Variants in CHD5 observed in about 807,000 individuals in gnomAD.
CHD5 encodes the protein ATP-dependent chromatin remodeler CHD5.
A neutral mutation model predicts 230.3 loss-of-function variants in CHD5; 69 were observed. That is an observed-to-expected ratio of 0.30 (90% CI 0.25 to 0.37). CHD5 has a LOEUF of 0.37. Among genes scored for constraint, CHD5 ranks in the 10% least tolerant of loss-of-function variants. CHD5 has a pLI of 1.00. For missense variants in CHD5, 1,827 were observed against 2,622.8 expected (o/e 0.70, Z 6.63); for synonymous variants, 1,064 against 1,065.9 (o/e 1.00, Z 0.03).
Position 6,180,109 on chromosome 1 carries a change from G to A in CHD5, c.-86C>T. 1.7e-6 allele frequency: 1 copy of A among 596,292 alleles called. No individual in the cohort carries two copies. The highest frequency in any genetic ancestry group is 2.0e-5 in the African/African-American group (1 of 49,274). 36.9% of individuals were successfully genotyped at this position (596,292 alleles called of 1,614,324 possible). A position where few individuals can be genotyped will look rare whatever the true frequency, so the allele number is the denominator to read the frequency against. ...TTAACCCGTGCGCTGCCGGACCGGC[G>A]CGCGCGGCGGGCGAGGCGGCCTCGG... On this transcript the variant is annotated 5_prime_UTR_variant, in exon 1 of 42. Coordinates refer to ENST00000262450, the MANE Select transcript of CHD5 (RefSeq NM_015557.3).
At chr1:6,127,034 C>T (rs1292190045) in intron 25 of CHD5, 2 of 453,960 alleles carry the variant, frequency 4.4e-6, no homozygotes, top group Non-Finnish European at 8.0e-6. Flanking sequence ...CTCCCCCTTG[C>T]CTGCCCTCAG....
At position 6,142,311 on chromosome 1, in the gene CHD5, G is replaced by A. The variant is rs1031363035; in HGVS notation, c.2253C>T (p.Pro751=). 6.2e-7 allele frequency: 1 copy of A among 1,609,410 alleles called. No individual in the cohort carries two copies. Among genetic ancestry groups the A allele is most frequent in the African/African-American group, 1.3e-5 (1 of 74,964 alleles). ...SLYKEGHSKG[P]YLVSAPLSTI... ...TGGAGAGGGGCGCGCTAACCAGGTA[G>A]GGCCCTTTGGAGTGGCCCTGGAGAG... The change falls in exon 15 of 42, where the codon CCC becomes CCT. Residue 751 remains proline (P), a synonymous_variant. Coordinates refer to ENST00000262450, the MANE Select transcript of CHD5 (RefSeq NM_015557.3). The surrounding 1 kb of genome is among the most constrained non-coding windows in gnomAD (Gnocchi z 5.2).
Position 6,126,653 on chromosome 1 carries a change from C to G in CHD5, c.3997G>C (p.Glu1333Gln). Residue 1333 changes from glutamate to glutamine, a missense_variant, in exon 26 of 42, where the codon GAG becomes CAG. Around this residue, in one of 14 missense-constraint regions of CHD5, gnomAD observed 137 missense variants for 272.7 expected, o/e 0.50. Transcript: ENST00000262450. The surrounding 1 kb of genome is among the most constrained non-coding windows in gnomAD (Gnocchi z 5.7). The part of the protein sequence containing the change: ...LLRHHYEQQQ[E>Q]DLARNLGKGK... ...TTGCCCAGGTTGCGGGCCAGGTCCT[C>G]CTGCTGCTGCTCATAGTGGTGCCGC... 6.2e-7 allele frequency: 1 copy of G among 1,614,058 alleles called. No homozygotes were observed. The highest frequency in any genetic ancestry group is 1.1e-5 in the South Asian group (1 of 91,084).
In CHD5 at chr1:6,130,431, T is replaced by C; in HGVS notation, c.3263-103A>G. On this transcript the variant is annotated intron_variant, in intron 21 of 41. Transcript: ENST00000262450. This position sits in a 1 kb window ranked among gnomAD's most constrained non-coding sequence, Gnocchi z 4.9. ...AGAGAGAAGGAACTGCAGCAACAGA[T>C]CCCTGGCAGAGAAGGACAAAGCCGG... 1.9e-6 allele frequency: 2 copies of C among 1,077,220 alleles called. No individual in the cohort carries two copies. The highest frequency in any genetic ancestry group is 2.7e-6 in the Non-Finnish European group (2 of 743,358). 66.7% of individuals were successfully genotyped at this position (1,077,220 alleles called of 1,614,324 possible).
In CHD5 at chr1:6,136,709, G is replaced by A; in HGVS notation, c.2574+19C>T. 1.9e-6 allele frequency: 3 copies of A among 1,610,788 alleles called. No homozygotes were observed. Among genetic ancestry groups the A allele is most frequent in the East Asian group, 2.2e-5 (1 of 44,778 alleles). ...CTCGCCCCGGGAAGCTCTGGGGTCT[G>A]GCGGCCAGCGCCACCTACCTTGGAC... On this transcript the variant is annotated intron_variant, in intron 16 of 41. Coordinates refer to ENST00000262450, the MANE Select transcript of CHD5 (RefSeq NM_015557.3).
In CHD5 at chr1:6,146,857, C is replaced by G; in HGVS notation, c.1398G>C (p.Lys466Asn). 4.0e-6 allele frequency: 6 copies of G among 1,518,192 alleles called. No homozygotes were observed. Among genetic ancestry groups the G allele is most frequent in the Non-Finnish European group, 5.3e-6 (6 of 1,130,530 alleles). The allele number at this position is 1,518,192 out of a possible 1,614,324, so 94.0% of individuals were successfully genotyped here. A position where few individuals can be genotyped will look rare whatever the true frequency, so the allele number is the denominator to read the frequency against. ...LCPRCTCPPLKGKVQRILHWR... is the reference protein window; with the variant it reads ...LCPRCTCPPLNGKVQRILHWR... ...AGTGTAGAATCCGCTGGACTTTGCC[C>G]TTCAGTGGGGGGCACTGTGGACAGA... Residue 466 changes from lysine (K) to asparagine (N), a missense_variant, in exon 10 of 42, where the codon AAG becomes AAC. This residue lies in a region of CHD5 where 657 missense variants were observed against 816.4 expected (regional missense o/e 0.80). Transcript: ENST00000262450. The surrounding 1 kb of genome is among the most constrained non-coding windows in gnomAD (Gnocchi z 5.1).
chr1:6,113,231 C>G lies in CHD5; in HGVS notation c.4913-233G>C, dbSNP rs1666321426. 6 of 517,286 alleles carry G rather than the reference C, an allele frequency of 1.2e-5. No homozygotes were observed. In the East Asian group the frequency reaches 2.1e-4, roughly 18 times the overall value. The allele number at this position is 517,286 out of a possible 1,614,324, so 32.0% of individuals were successfully genotyped here. A position where few individuals can be genotyped will look rare whatever the true frequency, so the allele number is the denominator to read the frequency against. On this transcript the variant is annotated intron_variant, in intron 33 of 41. Coordinates refer to ENST00000262450, the MANE Select transcript of CHD5 (RefSeq NM_015557.3). ...TTCAGACCAGGAGTTCAAGACCAGC[C>G]TGGCAACATAGTGAAATCTCATCTC...
At chr1:6,173,278 G>C (rs1468840342) in intron 1 of CHD5, among the ~76,000 whole-genome samples, 1 of 151,788 alleles carries the variant, frequency 6.6e-6, no homozygotes, top group Non-Finnish European at 1.5e-5. Flanking sequence ...CTAATTTTTT[G>C]TATTTTTAGT....
Position 6,143,849 on chromosome 1 carries a change from TCTCCTG to T in CHD5, c.2011_2016del (p.Gln671_Glu672del). On this transcript the variant is annotated inframe_deletion, in exon 13 of 42. Coordinates refer to ENST00000262450, the MANE Select transcript of CHD5 (RefSeq NM_015557.3). ...TCCACAATGGGCGTGTCCGGCGGCT[TCTCCTG>T]CTTGTCGTCCCTCAGCTTCTTGCCC... 1 of 1,612,864 alleles carries T rather than the reference TCTCCTG, an allele frequency of 6.2e-7. No homozygotes were observed. Among genetic ancestry groups the T allele is most frequent in the South Asian group, 1.1e-5 (1 of 91,014 alleles).
chr1:6,149,164 C>T, intron 8 of CHD5, 82 bp downstream of exon 8: 5 of 1,472,214 alleles, frequency 3.4e-6, no homozygotes, highest in Non-Finnish European at 4.5e-6. Context: ...CATCTCCCCG[C>T]ATTCTGCCCC....
Position 6,160,964 on chromosome 1 carries a change from T to C in CHD5, c.208-1449A>G, listed in dbSNP as rs542566349. Among the ~76,000 whole-genome samples, 38 of 152,328 alleles carry C rather than the reference T, an allele frequency of 2.5e-4. No individual in the cohort carries two copies. In the South Asian group the frequency reaches 7.9e-3, roughly 32 times the overall value. On this transcript the variant is annotated intron_variant, in intron 2 of 41. Coordinates refer to ENST00000262450, the MANE Select transcript of CHD5 (RefSeq NM_015557.3). ...AGGGAGGGGCCGGGCAGCACTGCCA[T>C]GATCCCCGGGGCATGCGGGGCTTGC...
rs146190946 is a variant in CHD5 at position 6,110,403 on chromosome 1, G to A, written c.5373C>T (p.Arg1791=). 6 of 1,613,826 alleles carry A rather than the reference G, an allele frequency of 3.7e-6. No homozygotes were observed. The African/African-American group carries it at 5.3e-5, about 14-fold the overall frequency. The change falls in exon 37 of 42, where the codon CGC becomes CGT. Residue 1791 remains arginine (R), a synonymous_variant. Coordinates refer to ENST00000262450, the MANE Select transcript of CHD5 (RefSeq NM_015557.3). ...YLEMKNKFLA[R]RFKLLEQALV... is the part of the protein sequence containing the mutation. ...CCTTCAGAAGACAGACCTTAAACCT[G>A]CGGGCCAGGAACTTGTTCTTCATCT...
chr1:6,177,397 C>T (rs1295412230), intron 1 of CHD5, among the ~76,000 whole-genome samples: 1 of 152,220 alleles, frequency 6.6e-6, no homozygotes, highest in African/African-American at 2.4e-5. Context: ...ACACTGAAAC[C>T]ACAACCATCT....
At chr1:6,116,598 C>G (rs1355737745) in intron 33 of CHD5, among the ~76,000 whole-genome samples, 1 of 152,228 alleles carries the variant, frequency 6.6e-6, no homozygotes, top group East Asian at 1.9e-4. Flanking sequence ...AGCAATTACA[C>G]CAACAGCAGC....
At chr1:6,174,121 A>G (rs929697526) in intron 1 of CHD5, among the ~76,000 whole-genome samples, 1 of 151,786 alleles carries the variant, frequency 6.6e-6, no homozygotes, top group African/African-American at 2.4e-5. Flanking sequence ...GTGAGAGGGG[A>G]AGTCAACCTG....
chr1:6,113,018 C>T lies in CHD5; in HGVS notation c.4913-20G>A, dbSNP rs373596099. 1.1e-5 allele frequency: 18 copies of T among 1,565,752 alleles called. No homozygotes were observed. The East Asian group carries it at 1.8e-4, about 16-fold the overall frequency. Reference sequence around the variant, plus strand: ...CCTCCTCTGCAAGAAAAAGAGGGTTCGCGGCATGGGGTGGGGTCCCAGAAA... The same window carrying T: ...CCTCCTCTGCAAGAAAAAGAGGGTTTGCGGCATGGGGTGGGGTCCCAGAAA... On this transcript the variant is annotated intron_variant, in intron 33 of 41. Coordinates refer to ENST00000262450, the MANE Select transcript of CHD5 (RefSeq NM_015557.3).
chr1:6,175,401 G>GACGC (rs954636195), intron 1 of CHD5, among the ~76,000 whole-genome samples: 3 of 125,074 alleles, frequency 2.4e-5, no homozygotes, highest in African/African-American at 1.7e-4. Flanking sequence ...ATGGATGGAT[G>GACGC]GTGGATAGAT....
Position 6,149,490 on chromosome 1 carries a change from G to T in CHD5, c.995-78C>A, listed in dbSNP as rs41278914. ...CAACCAACTGCATCGCCCCAGGCCA[G>T]ACAGGCACAGAGTAGATGTCTAATA... On this transcript the variant is annotated intron_variant, in intron 7 of 41. Transcript: ENST00000262450. The T allele has an allele frequency of 4.7e-3, 6,829 of 1,443,944 alleles. 24 individuals are homozygous for T. The highest frequency in any genetic ancestry group is 5.8e-3 in the Non-Finnish European group (6,155 of 1,060,794). 89.4% of individuals were successfully genotyped at this position (1,443,944 alleles called of 1,614,324 possible).
At chr1:6,122,981 C>T (rs776596180) in intron 31 of CHD5, among the ~76,000 whole-genome samples, 6 of 151,686 alleles carry the variant, frequency 4.0e-5, no homozygotes, top group Admixed American at 1.3e-4. Context: ...GAGGCAGGAT[C>T]GCTTGAACCT....
Sources: allele counts gnomAD v4.1 joint callset (sites outside exome capture counted in the v4.1 genomes callset), GRCh38; gene constraint gnomAD v4.1.1; regional missense constraint gnomAD v4.1.1; non-coding constraint Gnocchi (gnomAD v3.1); transcripts MANE v1.5; gene names NCBI Gene and HGNC (gene_info 2026-07-23, HGNC 2026-07-21).